HEATR4: variants seen among roughly 807,000 people sequenced by gnomAD.
HEATR4 encodes the protein HEAT repeat-containing protein 4.
HEATR4 carries 95 observed loss-of-function variants against 108.8 expected under a neutral mutation model. The ratio of observed to expected loss-of-function variants is 0.87; its 90% CI spans 0.74 to 1.04. The LOEUF (loss-of-function observed/expected upper bound fraction) is 1.04. HEATR4 is among the 50% of genes least tolerant of loss of function. The pLI is 0.00. For synonymous variants in HEATR4, 443 were observed against 459.4 expected, an observed-to-expected ratio of 0.96 and a Z score of 0.46; for missense variants, 1,152 against 1,253.8, an observed-to-expected ratio of 0.92 and a Z score of 1.23.
At chr14:73,611,171 A>G in the HEATR4 span, 2 of 152,158 alleles carry the variant, frequency 1.3e-5, no homozygotes. Flanking sequence ...CTTTTTGTTC[A>G]GTTTATACAT....
upstream of HEATR4, among the ~76,000 whole-genome samples, chr14:73,562,706 G>A (rs936072752): frequency 9.2e-5 from 14 of 151,938 alleles, no homozygotes; most frequent in African/African-American, 3.1e-4. Flanking sequence ...GTCTTGTGCC[G>A]TTGAGATAAG....
chr14:73,607,843 C>T, the HEATR4 span, among the ~76,000 whole-genome samples: 8 of 150,000 alleles, frequency 5.3e-5, no homozygotes, highest in Non-Finnish European at 8.9e-5. Context: ...AGGCTGGTCT[C>T]GAACTCCTGA....
rs769397666 is a variant in HEATR4 at position 73,541,527 on chromosome 14, C to T, written c.-151-11283G>A. 1.4e-5 allele frequency: 18 copies of T among 1,244,476 alleles called. 7 individuals are homozygous for T. The highest frequency in any genetic ancestry group is 2.7e-5 in the South Asian group (2 of 72,926). 77.1% of individuals were successfully genotyped at this position (1,244,476 alleles called of 1,614,324 possible). On this transcript the variant is annotated intron_variant, in intron 1 of 17. Transcript: ENST00000553558. ...CCTTTCCTGGCATTGTGGACATGTT[C>T]GGAACTGGAGGTGGCCTGCTGGAGT...
intron 17 of HEATR4, among the ~76,000 whole-genome samples, chr14:73,482,978 A>G (rs1478465322): frequency 1.3e-5 from 2 of 152,138 alleles, no homozygotes. Flanking sequence ...ACGTTAATGT[A>G]TGCAAATTAA....
Position 73,550,556 on chromosome 14 carries a change from C to T in HEATR4, c.-152+8195G>A, listed in dbSNP as rs578188548. On this transcript the variant is annotated intron_variant, in intron 1 of 17. Transcript: ENST00000553558. The stretch of plus-strand genomic sequence containing the variant: ...CATGCTTATTAGCAACACCTCTTCC[C>T]ACCACCTTATGAATAATCATGTAAG... Among the ~76,000 whole-genome samples, 147 of 113,050 alleles carry T rather than the reference C, an allele frequency of 1.3e-3. 36 individuals carry two copies. In the Middle Eastern group the frequency reaches 0.033, roughly 25 times the overall value. The allele number at this position is 113,050 out of a possible 152,430, so 74.2% of individuals were successfully genotyped here. A position where few individuals can be genotyped will look rare whatever the true frequency, so the allele number is the denominator to read the frequency against.
intron 1 of HEATR4, among the ~76,000 whole-genome samples, chr14:73,551,757 T>C (rs1889327169): frequency 9.4e-6 from 1 of 106,218 alleles, no homozygotes; most frequent in African/African-American, 3.1e-5. Context: ...TGCAGTGAGC[T>C]GAGACCACGC....
the HEATR4 span, chr14:73,593,650 C>G: frequency 6.6e-7 from 1 of 1,515,228 alleles, no homozygotes; most frequent in Non-Finnish European, 8.9e-7. Flanking sequence ...GCCAGGAAAG[C>G]AAATTCTTTA....
chr14:73,592,786 G>A, the HEATR4 span, among the ~76,000 whole-genome samples: 1 of 152,316 alleles, frequency 6.6e-6, no homozygotes, highest in East Asian at 1.9e-4. Flanking sequence ...CTGGGAGATG[G>A]AGGTTGCAGT....
the HEATR4 span, among the ~76,000 whole-genome samples, chr14:73,588,722 C>T: frequency 6.6e-6 from 1 of 152,110 alleles, no homozygotes; most frequent in Non-Finnish European, 1.5e-5. Context: ...ATCATTTAGC[C>T]ATTGGATCAA....
chr14:73,520,432 G>A (rs1887905440), intron 4 of HEATR4: 1 of 158,272 alleles, frequency 6.3e-6, no homozygotes, highest in South Asian at 2.0e-4. Flanking sequence ...AAAATACTGA[G>A]CCAGGATTTA....
the HEATR4 span, chr14:73,612,523 G>A: frequency 8.5e-6 from 10 of 1,180,056 alleles, no homozygotes; most frequent in African/African-American, 3.2e-5. Flanking sequence ...CGCCAGGCCC[G>A]CCCACTGACT....
chr14:73,485,451 G>T (rs1182569391), intron 17 of HEATR4, among the ~76,000 whole-genome samples: 4 of 149,034 alleles, frequency 2.7e-5, no homozygotes, highest in Non-Finnish European at 5.9e-5. Context: ...TGCCCAGGCT[G>T]GAGTGCAGTG....
chr14:73,604,274 C>T, the HEATR4 span, among the ~76,000 whole-genome samples: 3 of 145,204 alleles, frequency 2.1e-5, no homozygotes, highest in Non-Finnish European at 3.0e-5. Context: ...AAGCAATTCT[C>T]CTGCCTCAGC....
chr14:73,509,365 A>ATGGCATAT lies in HEATR4; in HGVS notation c.1659_1666dup (p.Ile556AsnfsTer20). 6.2e-7 allele frequency: 1 copy of ATGGCATAT among 1,614,110 alleles called. No homozygotes were observed. Among genetic ancestry groups the ATGGCATAT allele is most frequent in the African/African-American group, 1.3e-5 (1 of 75,038 alleles). On this transcript the variant is annotated frameshift_variant, in exon 8 of 18. Transcript: ENST00000553558. LOFTEE classifies it high-confidence loss of function. The stretch of plus-strand genomic sequence containing the variant: ...CCGGGCAAGGGGATTATGTGACTGT[A>ATGGCATAT]TGGCATATTGGCATATTGCTGCTGC...
At chr14:73,574,886 T>C in the HEATR4 span, 1 of 1,613,352 alleles carries the variant, frequency 6.2e-7, no homozygotes, top group South Asian at 1.1e-5. Flanking sequence ...TTCTTCTTCT[T>C]TTTCCTTTGT....
At chr14:73,588,739 G>A in the HEATR4 span, among the ~76,000 whole-genome samples, 3,156 of 152,140 alleles carry the variant, frequency 0.021, 117 homozygotes, top group African/African-American at 0.072. Context: ...TCAATCAAAT[G>A]TTAAGCCAGA....
chr14:73,493,097 G>T lies in HEATR4; in HGVS notation c.2813C>A (p.Ser938Tyr). 2 of 1,612,020 alleles carry T rather than the reference G, an allele frequency of 1.2e-6. No individual in the cohort carries two copies. Among genetic ancestry groups the T allele is most frequent in the Non-Finnish European group, 1.7e-6 (2 of 1,179,836 alleles). ...QDEMVLPRRP[S>Y]EVCDTEAVIK... Reference sequence around the variant, plus strand: ...CACTGCTTCAGTGTCACAAACCTCGGAAGGTCTTCTAGGAAGAACCATCTC... The same window carrying T: ...CACTGCTTCAGTGTCACAAACCTCGTAAGGTCTTCTAGGAAGAACCATCTC... Residue 938 changes from serine (S) to tyrosine (Y), a missense_variant, in exon 17 of 18, where the codon TCC becomes TAC. Physicochemically the swap from Ser to Tyr is moderately radical, Grantham distance 144. Coordinates refer to ENST00000553558, the MANE Select transcript of HEATR4 (RefSeq NM_001220484.1).
chr14:73,517,231 T>C (rs1437753844), intron 5 of HEATR4: 1 of 152,314 alleles, frequency 6.6e-6, no homozygotes, highest in African/African-American at 2.4e-5. Context: ...AACTAAGTTT[T>C]GTATTTTTTT....
intron 2 of HEATR4, among the ~76,000 whole-genome samples, chr14:73,527,749 A>T (rs1888424474): frequency 6.6e-6 from 1 of 151,478 alleles, no homozygotes; most frequent in South Asian, 2.1e-4. Flanking sequence ...AGGCCAAGGC[A>T]GGTGGATCAC....
Sources: gnomAD v4.1 joint callset for allele counts (sites outside exome capture counted in the v4.1 genomes callset) on GRCh38, gnomAD v4.1.1 for gene constraint, MANE v1.5 for transcripts, NCBI Gene and HGNC (gene_info 2026-07-23, HGNC 2026-07-21) for gene names.